Variants in KPNA7 observed in about 807,000 individuals in gnomAD.
KPNA7 encodes karyopherin subunit alpha 7.
Under a neutral mutation model 53.7 loss-of-function variants are expected in KPNA7, and 54 were observed. The observed-to-expected ratio is 1.01, with a 90% CI of 0.81 to 1.26. The LOEUF (loss-of-function observed/expected upper bound fraction) is 1.26. KPNA7 is among the 50% of genes most tolerant of loss of function. The pLI, the probability that KPNA7 is intolerant of heterozygous loss-of-function variation, is 0.00. For missense variants in KPNA7, 640 were observed against 644.5 expected, an observed-to-expected ratio of 0.99 and a Z score of 0.07; for synonymous variants, 276 against 259.3, an observed-to-expected ratio of 1.06 and a Z score of -0.62.
At chr7:99,185,251 T>C (rs1414891823) in intron 7 of KPNA7, 89 bp from the exon 8 acceptor site, 2 of 885,062 alleles carry the variant, frequency 2.3e-6, no homozygotes, top group East Asian at 2.6e-5. Flanking sequence ...CTCCCAAACA[T>C]TGTCATGCTA....
Position 99,177,954 on chromosome 7 carries a change from G to C in KPNA7, c.1430C>G (p.Ser477Trp). 6.4e-7 allele frequency: 1 copy of C among 1,551,872 alleles called. No homozygotes were observed. The highest frequency in any genetic ancestry group is 8.7e-7 in the Non-Finnish European group (1 of 1,147,036). ...QLHENRQIGQ[S>W]ALNIIEKHFG... Reference sequence around the variant, plus strand: ...GTGCTTCTCGATGATGTTCAAAGCCGACTGGCCAATTTGACGGTTCTCATG... The same window carrying C: ...GTGCTTCTCGATGATGTTCAAAGCCCACTGGCCAATTTGACGGTTCTCATG... The change falls in exon 10 of 11, where the codon TCG becomes TGG. Residue 477 changes from serine to tryptophan, a missense_variant. Physicochemically the swap from Ser to Trp is radical, Grantham distance 177. Coordinates refer to ENST00000327442, the MANE Select transcript of KPNA7 (RefSeq NM_001145715.3).
At chr7:99,185,626 T>C (rs1250700179) in intron 7 of KPNA7, among the ~76,000 whole-genome samples, 6 of 152,042 alleles carry the variant, frequency 3.9e-5, no homozygotes, top group Non-Finnish European at 1.5e-5. Context: ...CCACTGTGCC[T>C]GGCCCATGGA....
upstream of KPNA7, among the ~76,000 whole-genome samples, chr7:99,208,618 G>A (rs1249771116): frequency 1.3e-5 from 2 of 151,664 alleles, no homozygotes; most frequent in South Asian, 2.1e-4. Context: ...ACGTTGGCCA[G>A]GCTGGTCTTG....
intron 6 of KPNA7, among the ~76,000 whole-genome samples, chr7:99,189,671 C>T (rs951116363): frequency 1.3e-5 from 2 of 152,020 alleles, no homozygotes; most frequent in African/African-American, 4.8e-5. Flanking sequence ...GCCCAGGCTG[C>T]AGTGCAGTGC....
intron 10 of KPNA7, among the ~76,000 whole-genome samples, chr7:99,175,811 C>G (rs144556844): frequency 6.6e-6 from 1 of 151,966 alleles, no homozygotes; most frequent in Admixed American, 6.6e-5. Flanking sequence ...TGCTCCCAGC[C>G]GAGAGCATCA....
chr7:99,160,017 G>GTTTTTTT, the KPNA7 span, among the ~76,000 whole-genome samples: 890 of 67,414 alleles, frequency 0.013, 18 homozygotes, highest in African/African-American at 0.023. Context: ...TGTTGTTTTT[G>GTTTTTTT]TTTTTTTTTT....
In KPNA7 at chr7:99,188,489, A is replaced by T; in HGVS notation, c.711T>A (p.Thr237=). 7 of 1,551,726 alleles carry T rather than the reference A, an allele frequency of 4.5e-6. No homozygotes were observed. Among genetic ancestry groups the T allele is most frequent in the Non-Finnish European group, 6.1e-6 (7 of 1,147,000 alleles). Residue 237 remains threonine (T), a synonymous_variant, in exon 7 of 11, where the codon ACT becomes ACA. Coordinates refer to ENST00000327442, the MANE Select transcript of KPNA7 (RefSeq NM_001145715.3). ...GGGCCGGCAGTATCTGCTTCACCGCAGTGTCGCAAGGGTATGGGTTCTTGT... is the reference window on the plus strand; with the variant it reads ...GGGCCGGCAGTATCTGCTTCACCGCTGTGTCGCAAGGGTATGGGTTCTTGT... ...CRNKNPYPCD[T]AVKQILPALL...
chr7:99,148,649 T>G, the KPNA7 span, among the ~76,000 whole-genome samples: 8 of 152,072 alleles, frequency 5.3e-5, no homozygotes, highest in Non-Finnish European at 1.0e-4. Flanking sequence ...TGGAAGGCAG[T>G]GCCATCATCA....
At chr7:99,203,538 A>C (rs1790654499) in intron 2 of KPNA7, among the ~76,000 whole-genome samples, 1 of 152,070 alleles carries the variant, frequency 6.6e-6, no homozygotes, top group South Asian at 2.1e-4. Flanking sequence ...CCATTGCCCT[A>C]AGTCTGAACA....
rs74393538 is a variant in KPNA7 at position 99,208,083 on chromosome 7, A to G, written c.-79T>C. Among the ~76,000 whole-genome samples the G allele has an allele frequency of 0.014, 2,154 of 151,882 alleles. 30 individuals are homozygous for G. The highest frequency in any genetic ancestry group is 0.092 in the Middle Eastern group (27 of 292). On this transcript the variant is annotated 5_prime_UTR_variant, in exon 1 of 11. Transcript: ENST00000327442. ...CAGCTCCATGTCCTATTTCTGCAAG[A>G]CCTGCTTGTTGGCATCAGAGTCTCA...
At chr7:99,154,847 TAC>T in the KPNA7 span, among the ~76,000 whole-genome samples, 6 of 152,112 alleles carry the variant, frequency 3.9e-5, no homozygotes, top group Non-Finnish European at 5.9e-5. Context: ...ACCATGAAAT[TAC>T]ACAGTTTTAA....
intron 1 of KPNA7, among the ~76,000 whole-genome samples, chr7:99,214,410 T>C (rs1277151570): frequency 2.0e-5 from 3 of 149,532 alleles, no homozygotes; most frequent in Non-Finnish European, 4.4e-5. Flanking sequence ...ACCACTGCAC[T>C]CCAGTCTGGG....
the KPNA7 span, among the ~76,000 whole-genome samples, chr7:99,167,339 G>A: frequency 6.6e-6 from 1 of 152,188 alleles, no homozygotes; most frequent in Non-Finnish European, 1.5e-5. Context: ...GGGCCACCCA[G>A]CAGGAGGTGA....
At chr7:99,186,722 A>C (rs1384499082) in intron 7 of KPNA7, among the ~76,000 whole-genome samples, 1 of 151,944 alleles carries the variant, frequency 6.6e-6, no homozygotes, top group Non-Finnish European at 1.5e-5. Context: ...CGGCCTTGGC[A>C]ACAGAGTGAG....
chr7:99,156,420 C>T, the KPNA7 span, among the ~76,000 whole-genome samples: 1 of 152,018 alleles, frequency 6.6e-6, no homozygotes, highest in Non-Finnish European at 1.5e-5. Context: ...TCTTGGTATT[C>T]TGAAATTTCA....
chr7:99,145,811 G>A, the KPNA7 span, among the ~76,000 whole-genome samples: 2 of 152,062 alleles, frequency 1.3e-5, no homozygotes, highest in South Asian at 2.1e-4. Context: ...TGCCTGCCTC[G>A]GATGACCCTA....
the KPNA7 span, among the ~76,000 whole-genome samples, chr7:99,165,402 A>C: frequency 2.0e-5 from 3 of 151,964 alleles, no homozygotes; most frequent in Non-Finnish European, 2.9e-5. Flanking sequence ...AGAGTCTCCC[A>C]GTTGCCCCCA....
chr7:99,175,598 C>T (rs1798873133), intron 10 of KPNA7, among the ~76,000 whole-genome samples: 2 of 151,946 alleles, frequency 1.3e-5, no homozygotes, highest in African/African-American at 2.4e-5. Flanking sequence ...TCACTGCAAC[C>T]TCTGCTCTGG....
chr7:99,214,464 A>AACAAAT (rs1791156292), intron 1 of KPNA7, among the ~76,000 whole-genome samples: 1 of 146,886 alleles, frequency 6.8e-6, no homozygotes, highest in Admixed American at 6.9e-5. Flanking sequence ...AAAAACAAAA[A>AACAAAT]CAAAAACAAA....
Sources: gnomAD v4.1 joint callset for allele counts (sites outside exome capture counted in the v4.1 genomes callset) on GRCh38, gnomAD v4.1.1 for gene constraint, MANE v1.5 for transcripts, NCBI Gene and HGNC (gene_info 2026-07-23, HGNC 2026-07-21) for gene names.